The following SLC5A10 variants were observed in gnomAD, a reference collection of about 807,000 sequenced individuals.
The protein encoded by SLC5A10 is solute carrier family 5 member 10, also known as sodium/mannose cotransporter SLC5A10.
Under a neutral mutation model 68.9 loss-of-function variants are expected in SLC5A10, and 55 were observed. The observed-to-expected ratio is 0.80, with a 90% CI of 0.64 to 1.00. The LOEUF (loss-of-function observed/expected upper bound fraction) is 1.00, where lower values mean the gene tolerates loss of function less well. SLC5A10 is among the 50% of genes least tolerant of loss of function. SLC5A10 has a pLI of 0.00. For synonymous variants in SLC5A10, 344 were observed against 344.8 expected, an observed-to-expected ratio of 1.00 and a Z score of 0.02; for missense variants, 732 against 819.3, an observed-to-expected ratio of 0.89 and a Z score of 1.30.
intron 11 of SLC5A10, among the ~76,000 whole-genome samples, chr17:19,015,867 A>AG (rs1334046826): frequency 6.6e-6 from 1 of 152,174 alleles, no homozygotes; most frequent in African/African-American, 2.4e-5. Flanking sequence ...GCGCTTCATG[A>AG]GGACCGGGGC....
At chr17:18,970,005 C>A (rs950488291) in intron 7 of SLC5A10, 3 of 152,348 alleles carry the variant, frequency 2.0e-5, no homozygotes, top group African/African-American at 7.2e-5. Context: ...GTGAACAAAT[C>A]TCTAAAGACT....
chr17:18,995,145 A>G (rs1457089794), intron 9 of SLC5A10, among the ~76,000 whole-genome samples: 1 of 152,248 alleles, frequency 6.6e-6, no homozygotes, highest in Non-Finnish European at 1.5e-5. Context: ...CAAAGAAACA[A>G]GAAAACATGA....
intron 10 of SLC5A10, among the ~76,000 whole-genome samples, chr17:19,014,343 C>T (rs1261811730): frequency 6.6e-6 from 1 of 152,184 alleles, no homozygotes; most frequent in Non-Finnish European, 1.5e-5. Flanking sequence ...CTTGAGCCCA[C>T]AACTCCCAGA....
Position 19,019,724 on chromosome 17 carries a change from G to A in SLC5A10, c.1422G>A (p.Trp474Ter). The A allele has an allele frequency of 6.2e-7, 1 of 1,610,650 alleles. No individual in the cohort carries two copies. Among genetic ancestry groups the A allele is most frequent in the Non-Finnish European group, 8.5e-7 (1 of 1,179,550 alleles). Residue 474 changes from tryptophan (W) to a stop codon, truncating the protein, a stop_gained, in exon 13 of 15, where the codon TGG becomes TGA. Coordinates refer to ENST00000395645, the MANE Select transcript of SLC5A10 (RefSeq NM_001042450.4). LOFTEE classifies it high-confidence loss of function. ...WRRANEQGAF[W>*]GLIAGLVVGA... ...TCCCTCCTCCCCAGGGGGCCTTCTG[G>A]GGCCTGATAGCAGGGCTGGTGGTGG...
rs1156760974 is a variant in SLC5A10 at position 18,960,353 on chromosome 17, C to T, written c.349-195C>T. Among the ~76,000 whole-genome samples, 6 of 152,350 alleles carry T rather than the reference C, an allele frequency of 3.9e-5. No individual in the cohort carries two copies. In the East Asian group the frequency reaches 7.7e-4, roughly 20 times the overall value. ...CTGCCACTCCCCTGCCTGACACCCT[C>T]GGGGCGCAGCCGGAGCAGCCCGGGA... On this transcript the variant is annotated intron_variant, in intron 4 of 14. Transcript: ENST00000395645.
chr17:18,966,622 C>T (rs1004167164), intron 5 of SLC5A10, among the ~76,000 whole-genome samples: 1 of 152,030 alleles, frequency 6.6e-6, no homozygotes, highest in Middle Eastern at 3.2e-3. Context: ...TGATGGCACA[C>T]ACCTGTAATC....
rs2043809245 is a variant in SLC5A10, at chr17:19,004,014, C to T, written c.983-9396C>T. On this transcript the variant is annotated intron_variant, in intron 9 of 14. Coordinates refer to ENST00000395645, the MANE Select transcript of SLC5A10 (RefSeq NM_001042450.4). The surrounding 1 kb of genome is among the most constrained non-coding windows in gnomAD (Gnocchi z 5.4). The stretch of plus-strand genomic sequence containing the variant: ...GAGCGCCAGTTCACATGGTTGTCGT[C>T]CAGACACTGCACCTGAGAGAAGGCC... 6.2e-7 allele frequency: 1 copy of T among 1,608,060 alleles called. No homozygotes were observed. The highest frequency in any genetic ancestry group is 1.3e-5 in the African/African-American group (1 of 74,802).
intron 11 of SLC5A10, among the ~76,000 whole-genome samples, chr17:19,016,391 G>A (rs1345048835): frequency 1.3e-5 from 2 of 152,084 alleles, no homozygotes; most frequent in East Asian, 1.9e-4. Context: ...CCATGTGCAC[G>A]TGTCTATTTG....
At chr17:18,958,940 A>G (rs1463519323) in intron 2 of SLC5A10, among the ~76,000 whole-genome samples, 187 bp downstream of exon 2, 1 of 152,152 alleles carries the variant, frequency 6.6e-6, no homozygotes, top group Non-Finnish European at 1.5e-5. Flanking sequence ...GGCAGGGGCT[A>G]TGGAGTCTGA....
chr17:18,989,298 C>T (rs1379760927), intron 9 of SLC5A10, among the ~76,000 whole-genome samples: 1 of 152,190 alleles, frequency 6.6e-6, no homozygotes, highest in Non-Finnish European at 1.5e-5. Context: ...ACTACCCTGA[C>T]TTGTCAGAGA....
At chr17:18,959,509 C>T (rs2042570602) in intron 3 of SLC5A10, 95 bp from the exon 4 acceptor site, 4 of 1,370,950 alleles carry the variant, frequency 2.9e-6, no homozygotes, top group African/African-American at 2.8e-5. Context: ...GGAAGCCAGG[C>T]CTCCGGATGG....
At position 19,015,090 on chromosome 17, in the gene SLC5A10, A is replaced by C. The variant is rs764660475; in HGVS notation, c.1132A>C (p.Met378Leu). 2.5e-6 allele frequency: 4 copies of C among 1,613,780 alleles called. No individual in the cohort carries two copies. Among genetic ancestry groups the C allele is most frequent in the South Asian group, 2.2e-5 (2 of 91,062 alleles). ...LMIAVMLAAL[M>L]SSLTSIFNSS... ...GATCGCAGTGATGCTGGCGGCGCTC[A>C]TGTCGTCGCTGACCTCCATCTTCAA... The change falls in exon 11 of 15, where the codon ATG (methionine) becomes CTG (leucine). Residue 378 changes from methionine (M) to leucine (L), a missense_variant. Met to Leu is a conservative substitution (Grantham distance 15, BLOSUM62 2). Transcript: ENST00000395645.
intron 5 of SLC5A10, among the ~76,000 whole-genome samples, chr17:18,962,379 G>A (rs1014207194): frequency 2.0e-4 from 30 of 152,138 alleles, no homozygotes; most frequent in African/African-American, 7.0e-4. Flanking sequence ...GGGGCTGGAG[G>A]CTTAGACTCT....
chr17:19,017,511 G>A lies in SLC5A10; in HGVS notation c.1242-1912G>A, dbSNP rs2044165517. On this transcript the variant is annotated intron_variant, in intron 11 of 14. Transcript: ENST00000395645. The surrounding 1 kb of genome is among the most constrained non-coding windows in gnomAD (Gnocchi z 5.6). Reference sequence around the variant, plus strand: ...ATCGCAGGGCCGGGTGCAGTACCATGCCGGTGACCCTGATGGCTCTGTCCA... The same window carrying A: ...ATCGCAGGGCCGGGTGCAGTACCATACCGGTGACCCTGATGGCTCTGTCCA... The A allele has an allele frequency of 2.1e-6, 2 of 939,538 alleles. No homozygotes were observed. Among genetic ancestry groups the A allele is most frequent in the East Asian group, 5.3e-5 (2 of 37,526 alleles). 58.2% of individuals were successfully genotyped at this position (939,538 alleles called of 1,614,324 possible).
intron 9 of SLC5A10, chr17:18,978,439 C>A: frequency 6.2e-7 from 1 of 1,601,930 alleles, no homozygotes; most frequent in Non-Finnish European, 8.5e-7. Flanking sequence ...TGGGCAGGTA[C>A]TCAAACATGT....
At chr17:19,005,114 C>T (rs2043847406) in intron 9 of SLC5A10, among the ~76,000 whole-genome samples, 1 of 152,132 alleles carries the variant, frequency 6.6e-6, no homozygotes, top group African/African-American at 2.4e-5. Flanking sequence ...GAAGTCCGTG[C>T]GGCTGTATAG....
chr17:18,986,494 T>C (rs1347692834), intron 9 of SLC5A10, among the ~76,000 whole-genome samples: 1 of 152,174 alleles, frequency 6.6e-6, no homozygotes, highest in Non-Finnish European at 1.5e-5. Context: ...CGGATCTCAG[T>C]TTCTCCATCT....
intron 9 of SLC5A10, among the ~76,000 whole-genome samples, chr17:19,002,665 C>T (rs1054689272): frequency 4.6e-5 from 7 of 152,234 alleles, no homozygotes; most frequent in African/African-American, 1.2e-4. Flanking sequence ...AAGGTACTTA[C>T]GTGCAGCAGG....
chr17:18,966,985 C>A (rs1040695093), intron 5 of SLC5A10, among the ~76,000 whole-genome samples: 6 of 152,096 alleles, frequency 3.9e-5, no homozygotes, highest in Admixed American at 3.3e-4. Flanking sequence ...GATGAAGTGG[C>A]CTGCTCAAAG....
Sources: allele counts gnomAD v4.1 joint callset (sites outside exome capture counted in the v4.1 genomes callset), GRCh38; gene constraint gnomAD v4.1.1; non-coding constraint Gnocchi (gnomAD v3.1); transcripts MANE v1.5; gene names NCBI Gene and HGNC (gene_info 2026-07-23, HGNC 2026-07-21).